TGFBR2: variants seen among roughly 807,000 people sequenced by gnomAD.
TGFBR2 encodes transforming growth factor beta receptor 2, also known as TGF-beta receptor type-2.
A neutral mutation model predicts 49.0 loss-of-function variants in TGFBR2; 18 were observed. The observed-to-expected ratio is 0.37, with a 90% CI of 0.25 to 0.54. The LOEUF is 0.54. TGFBR2 is among the 20% of genes least tolerant of loss of function. TGFBR2 has a pLI of 0.85. For synonymous variants in TGFBR2, 282 were observed against 275.9 expected, an observed-to-expected ratio of 1.02 and a Z score of -0.22; for missense variants, 525 against 722.6, an observed-to-expected ratio of 0.73 and a Z score of 3.13.
At position 30,657,277 on chromosome 3, in the gene TGFBR2, C is replaced by G. The variant is rs180911887; in HGVS notation, c.454+6817C>G. On this transcript the variant is annotated intron_variant, in intron 3 of 6. Coordinates refer to ENST00000295754, the MANE Select transcript of TGFBR2 (RefSeq NM_003242.6). ...CAACTTACATAAGAGGCTACCTGTT[C>G]TGTTTGCCAAACGGCAGCCCAGACC... Among the ~76,000 whole-genome samples, 19 of 152,352 alleles carry G rather than the reference C, an allele frequency of 1.2e-4. No homozygotes were observed. The East Asian group carries it at 3.7e-3, about 29-fold the overall frequency.
intron 1 of TGFBR2, among the ~76,000 whole-genome samples, chr3:30,637,419 A>G (rs1358613489): frequency 1.3e-5 from 2 of 152,200 alleles, no homozygotes; most frequent in Non-Finnish European, 2.9e-5. Flanking sequence ...CAGAACACAG[A>G]TACCTTAAAT....
intron 6 of TGFBR2, among the ~76,000 whole-genome samples, chr3:30,689,524 G>A (rs1312682455): frequency 2.6e-5 from 4 of 152,192 alleles, no homozygotes; most frequent in East Asian, 3.9e-4. Flanking sequence ...AGGCACAATC[G>A]GGAAGACAAA....
chr3:30,640,382 G>A (rs913418197), intron 1 of TGFBR2, among the ~76,000 whole-genome samples: 8 of 152,086 alleles, frequency 5.3e-5, no homozygotes, highest in South Asian at 4.1e-4. Flanking sequence ...TATAGGAATC[G>A]AAGTACAGTC....
At chr3:30,610,895 A>C (rs539699002) in intron 1 of TGFBR2, among the ~76,000 whole-genome samples, 1 of 152,224 alleles carries the variant, frequency 6.6e-6, no homozygotes. Flanking sequence ...GTCACTACAC[A>C]TACACACAAT....
chr3:30,676,058 A>G lies in TGFBR2; in HGVS notation c.1396+1812A>G, dbSNP rs1383536350. ...AAGACAGTTATTTAGACGGTCTCTC[A>G]CTTTGGGTTTCACTAATGTTTTCTC... On this transcript the variant is annotated intron_variant, in intron 5 of 6. Coordinates refer to ENST00000295754, the MANE Select transcript of TGFBR2 (RefSeq NM_003242.6). This position sits in a 1 kb window ranked among gnomAD's most constrained non-coding sequence, Gnocchi z 4.3. Among the ~76,000 whole-genome samples, 1 of 152,156 alleles carries G rather than the reference A, an allele frequency of 6.6e-6. No individual in the cohort carries two copies. The highest frequency in any genetic ancestry group is 1.5e-5 in the Non-Finnish European group (1 of 68,044).
At chr3:30,652,718 T>C (rs1359831218) in intron 3 of TGFBR2, among the ~76,000 whole-genome samples, 1 of 152,250 alleles carries the variant, frequency 6.6e-6, no homozygotes, top group Non-Finnish European at 1.5e-5. Context: ...GCATGTTTAC[T>C]AGCATTGAAG....
intron 5 of TGFBR2, among the ~76,000 whole-genome samples, chr3:30,683,848 G>A (rs1377980212): frequency 6.6e-6 from 1 of 152,150 alleles, no homozygotes; most frequent in Non-Finnish European, 1.5e-5. Context: ...CAGTTCCCCA[G>A]GACTGCCTGG....
At chr3:30,674,285 GTCT>G (rs1162715322) in intron 5 of TGFBR2, 39 bp downstream of exon 5, 2 of 1,612,900 alleles carry the variant, frequency 1.2e-6, no homozygotes, top group East Asian at 4.5e-5. Context: ...TGGTAAACTT[GTCT>G]TCAAAATAAG....
At chr3:30,619,525 G>A (rs1698190608) in intron 1 of TGFBR2, among the ~76,000 whole-genome samples, 1 of 152,140 alleles carries the variant, frequency 6.6e-6, no homozygotes, top group Admixed American at 6.5e-5. Context: ...CACAGGACCA[G>A]TTTGATGACT....
At chr3:30,663,509 A>C (rs936825673) in intron 3 of TGFBR2, among the ~76,000 whole-genome samples, 8 of 152,224 alleles carry the variant, frequency 5.3e-5, no homozygotes, top group African/African-American at 1.9e-4. Flanking sequence ...TTATTGTAGG[A>C]AGTTTTTTTA....
rs201573725 is a variant in TGFBR2, at chr3:30,682,428, A to AT, written c.1397-5948dup. ...GCTTTTTCTCTTAGAGGCAATTCCA[A>AT]TTTTTTTTAAAAAGGTGGTTCTTGT... is the stretch of plus-strand genomic sequence containing the variant. On this transcript the variant is annotated intron_variant, in intron 5 of 6. Transcript: ENST00000295754. Among the ~76,000 whole-genome samples the AT allele has an allele frequency of 8.5e-5, 13 of 152,092 alleles. No individual in the cohort carries two copies. The East Asian group carries it at 2.3e-3, about 27-fold the overall frequency.
rs3076736 is a variant in TGFBR2, at chr3:30,636,733, CGTGTGTGT to C, written c.95-7995_95-7988del. On this transcript the variant is annotated intron_variant, in intron 1 of 6. Transcript: ENST00000295754. The stretch of plus-strand genomic sequence containing the variant: ...ATATATAAGCATGCATGTGTGTGCA[CGTGTGTGT>C]GTGTGTGTGTGTGTGTGTATTCCCT... Among the ~76,000 whole-genome samples, 3 of 146,694 alleles carry C rather than the reference CGTGTGTGT, an allele frequency of 2.0e-5. No homozygotes were observed. In the South Asian group the frequency reaches 6.5e-4, roughly 32 times the overall value.
rs35473576 is a variant in TGFBR2, at chr3:30,648,419, T to TACACACACACACACAC, written c.264-1823_264-1808dup. Among the ~76,000 whole-genome samples, 206 of 115,592 alleles carry TACACACACACACACAC rather than the reference T, an allele frequency of 1.8e-3. 3 individuals are homozygous for TACACACACACACACAC. Among genetic ancestry groups the TACACACACACACACAC allele is most frequent in the African/African-American group, 4.9e-3 (159 of 32,392 alleles). The allele number at this position is 115,592 out of a possible 152,430, so 75.8% of individuals were successfully genotyped here. ...TTTATTACCCAAACCAAAAACAACC[T>TACACACACACACACAC]ACACACACACACACACACACACACA... On this transcript the variant is annotated intron_variant, in intron 2 of 6. Transcript: ENST00000295754.
At chr3:30,633,236 A>G (rs539048913) in intron 1 of TGFBR2, among the ~76,000 whole-genome samples, 1 of 152,334 alleles carries the variant, frequency 6.6e-6, no homozygotes, top group East Asian at 1.9e-4. Flanking sequence ...AATGTTAATG[A>G]CAAAATTGCA....
intron 3 of TGFBR2, among the ~76,000 whole-genome samples, chr3:30,659,299 C>G (rs1214826444): frequency 6.6e-6 from 1 of 152,160 alleles, no homozygotes; most frequent in Non-Finnish European, 1.5e-5. Context: ...ATTAAAGTTG[C>G]TAGTCTCATT....
At chr3:30,640,515 T>C (rs886417181) in intron 1 of TGFBR2, among the ~76,000 whole-genome samples, 1 of 152,202 alleles carries the variant, frequency 6.6e-6, no homozygotes, top group Non-Finnish European at 1.5e-5. Flanking sequence ...CATCCTCCCA[T>C]ATCCTTTAAA....
rs762060170 is a variant in TGFBR2 at position 30,606,837 on chromosome 3, G to T, written c.-47G>T. On this transcript the variant is annotated 5_prime_UTR_variant, in exon 1 of 7. Transcript: ENST00000295754. The stretch of plus-strand genomic sequence containing the variant: ...GCAGCCAGGGGTCCGGGAAGGCGCC[G>T]TCCGCTGCGCTGGGGGCTCGGTCTA... The T allele has an allele frequency of 6.1e-6, 8 of 1,302,890 alleles. No homozygotes were observed. The South Asian group carries it at 1.7e-4, about 27-fold the overall frequency. The allele number at this position is 1,302,890 out of a possible 1,614,324, so 80.7% of individuals were successfully genotyped here.
intron 5 of TGFBR2, among the ~76,000 whole-genome samples, chr3:30,684,366 A>G (rs1395397250): frequency 6.6e-6 from 1 of 152,190 alleles, no homozygotes; most frequent in East Asian, 1.9e-4. Flanking sequence ...AAAAGCAAAC[A>G]TGCATTTAGC....
At chr3:30,649,439 C>G (rs976545886) in intron 2 of TGFBR2, among the ~76,000 whole-genome samples, 2 of 152,106 alleles carry the variant, frequency 1.3e-5, no homozygotes, top group Admixed American at 1.3e-4. Context: ...TCCTAGGGCC[C>G]AAGGAAAATG....
Sources: allele counts gnomAD v4.1 joint callset (sites outside exome capture counted in the v4.1 genomes callset), GRCh38; gene constraint gnomAD v4.1.1; non-coding constraint Gnocchi (gnomAD v3.1); transcripts MANE v1.5; gene names NCBI Gene and HGNC (gene_info 2026-07-23, HGNC 2026-07-21).